Variants in DAAM2 observed in about 807,000 individuals in gnomAD.
DAAM2 encodes disheveled-associated activator of morphogenesis 2.
In DAAM2, 39 loss-of-function variants were observed where a neutral mutation model predicts 120.7. The observed-to-expected ratio is 0.32, with a 90% CI of 0.25 to 0.42. The LOEUF (loss-of-function observed/expected upper bound fraction) is 0.42. Among genes scored for constraint, DAAM2 ranks in the 10% least tolerant of loss-of-function variants. DAAM2 has a pLI of 1.00. For synonymous variants in DAAM2, 488 were observed against 524.9 expected (o/e 0.93, Z 0.96); for missense variants, 1,283 against 1,401.7 (o/e 0.92, Z 1.35).
chr6:39,882,497 T>C lies in DAAM2; in HGVS notation c.1846-1465T>C, dbSNP rs73430547. ...ATGGGAAGCTTTACCTCTGCAGGCT[T>C]CTCTCTTCCCTACCTCCACGTTGGT... On this transcript the variant is annotated intron_variant, in intron 14 of 24. Coordinates refer to ENST00000274867, the MANE Select transcript of DAAM2 (RefSeq NM_001201427.2). Among the ~76,000 whole-genome samples the C allele has an allele frequency of 0.013, 1,966 of 151,842 alleles. 126 individuals carry two copies. The East Asian group carries it at 0.2, about 16-fold the overall frequency.
intron 10 of DAAM2, among the ~76,000 whole-genome samples, chr6:39,874,117 T>A (rs1318986075): frequency 2.0e-5 from 3 of 152,178 alleles, no homozygotes; most frequent in Non-Finnish European, 4.4e-5. Flanking sequence ...TGAGGTCCTT[T>A]AGCACATCAT....
At chr6:39,879,557 T>TGGG (rs1765030945) in intron 14 of DAAM2, 80 bp downstream of exon 14, 1 of 1,572,618 alleles carries the variant, frequency 6.4e-7, no homozygotes, top group Non-Finnish European at 8.7e-7. Context: ...GCCCCTTGTT[T>TGGG]ACAGATCTCC....
intron 19 of DAAM2, among the ~76,000 whole-genome samples, chr6:39,893,260 T>A (rs143002970): frequency 2.0e-5 from 3 of 152,358 alleles, no homozygotes; most frequent in African/African-American, 7.2e-5. Context: ...CTGATGCCTA[T>A]AATCCCAGCA....
At chr6:39,810,652 C>A (rs1762135275) in intron 1 of DAAM2, among the ~76,000 whole-genome samples, 1 of 151,954 alleles carries the variant, frequency 6.6e-6, no homozygotes, top group Admixed American at 6.5e-5. Context: ...ATTTTTTTGC[C>A]CCTTATGGGG....
chr6:39,878,457 A>G lies in DAAM2; in HGVS notation c.1414A>G (p.Lys472Glu). 6.2e-7 allele frequency: 1 copy of G among 1,611,678 alleles called. No homozygotes were observed. Among genetic ancestry groups the G allele is most frequent in the South Asian group, 1.1e-5 (1 of 90,432 alleles). Residue 472 changes from lysine (K) to glutamate (E), a missense_variant, in exon 13 of 25, where the codon AAG becomes GAG. Around this residue, in one of 3 missense-constraint regions of DAAM2, gnomAD observed 338 missense variants for 443.9 expected, o/e 0.76. Transcript: ENST00000274867. The surrounding 1 kb of genome is among the most constrained non-coding windows in gnomAD (Gnocchi z 5.0). ...LERKERECET[K>E]TLEKEEMMRT... is the part of the protein sequence containing the mutation. ...GAGGAAGGAGCGGGAATGCGAGACA[A>G]AGACATTGGAGAAGGAAGAGATGAT...
chr6:39,864,623 C>A, intron 4 of DAAM2, 116 bp downstream of exon 4: 2 of 768,378 alleles, frequency 2.6e-6, no homozygotes, highest in South Asian at 3.6e-5. Flanking sequence ...CCTCAGCGCC[C>A]CACTGCCCAC....
At chr6:39,846,822 A>T (rs1763612687) in intron 1 of DAAM2, among the ~76,000 whole-genome samples, 1 of 151,824 alleles carries the variant, frequency 6.6e-6, no homozygotes, top group Non-Finnish European at 1.5e-5. Flanking sequence ...TACAGCTCTT[A>T]GCATGGTACT....
At chr6:39,818,123 G>A (rs1468528317) in intron 1 of DAAM2, among the ~76,000 whole-genome samples, 1 of 149,746 alleles carries the variant, frequency 6.7e-6, no homozygotes, top group Non-Finnish European at 1.5e-5. Context: ...AGGCTGCAGC[G>A]AGCCGAGGTG....
chr6:39,901,701 A>ATACAGGCAGG lies in DAAM2; in HGVS notation c.2983-111_2983-102dup. On this transcript the variant is annotated intron_variant, in intron 24 of 24. Transcript: ENST00000274867. The surrounding 1 kb of genome is among the most constrained non-coding windows in gnomAD (Gnocchi z 4.5). ...GGCAGGAAGAAAGTGGGGCCAACAGATACAGGCAGGCAGCATGACCATGGC... is the reference window on the plus strand; with the variant it reads ...GGCAGGAAGAAAGTGGGGCCAACAGATACAGGCAGGTACAGGCAGGCAGCATGACCATGGC... 9.1e-7 allele frequency: 1 copy of ATACAGGCAGG among 1,098,250 alleles called. No homozygotes were observed. The highest frequency in any genetic ancestry group is 1.3e-6 in the Non-Finnish European group (1 of 790,964). 68.0% of individuals were successfully genotyped at this position (1,098,250 alleles called of 1,614,324 possible).
rs1027456850 is a variant in DAAM2 at position 39,871,833 on chromosome 6, T to A, written c.1044+261T>A. Among the ~76,000 whole-genome samples, 6 of 152,184 alleles carry A rather than the reference T, an allele frequency of 3.9e-5. No individual in the cohort carries two copies. The East Asian group carries it at 1.2e-3, about 29-fold the overall frequency. The stretch of plus-strand genomic sequence containing the variant: ...CAACTATGGAGACTGAGAAGTCCCA[T>A]GACAGGTCGGAGTTATTGCATGGAG... On this transcript the variant is annotated intron_variant, in intron 9 of 24. Transcript: ENST00000274867.
At chr6:39,863,297 G>A (rs1764290754) in intron 3 of DAAM2, among the ~76,000 whole-genome samples, 1 of 152,174 alleles carries the variant, frequency 6.6e-6, no homozygotes, top group East Asian at 1.9e-4. Flanking sequence ...CCCCAAGGCA[G>A]AAGGCAGAAT....
At position 39,902,903 on chromosome 6, in the gene DAAM2, C is replaced by T. The variant is rs1766574345; in HGVS notation, c.*866C>T. On this transcript the variant is annotated 3_prime_UTR_variant, in exon 25 of 25. Transcript: ENST00000274867. ...CTCCCATGTCCCCATCTCCTGGACACCTGGCCATTGTTGTGAAGCCAGACA... is the reference window on the plus strand; with the variant it reads ...CTCCCATGTCCCCATCTCCTGGACATCTGGCCATTGTTGTGAAGCCAGACA... 1 of 152,488 alleles carries T rather than the reference C, an allele frequency of 6.6e-6. No individual in the cohort carries two copies. Among genetic ancestry groups the T allele is most frequent in the Non-Finnish European group, 1.5e-5 (1 of 68,240 alleles). 9.4% of individuals were successfully genotyped at this position (152,488 alleles called of 1,614,324 possible).
In DAAM2 at chr6:39,902,079, G is replaced by T; in HGVS notation, c.*42G>T. ...CACAGGAGGCCGGGAGACAGGGACT[G>T]GTGAGAATGGGGCTGAGTGGAGGAG... On this transcript the variant is annotated 3_prime_UTR_variant, in exon 25 of 25. Transcript: ENST00000274867. 1 of 1,520,694 alleles carries T rather than the reference G, an allele frequency of 6.6e-7. No individual in the cohort carries two copies. The highest frequency in any genetic ancestry group is 1.2e-5 in the South Asian group (1 of 82,754). The allele number at this position is 1,520,694 out of a possible 1,614,324, so 94.2% of individuals were successfully genotyped here.
rs1349625062 is a variant in DAAM2, at chr6:39,884,060, G to C, written c.1944G>C (p.Gln648His). The C allele has an allele frequency of 8.2e-6, 13 of 1,590,894 alleles. No homozygotes were observed. Among genetic ancestry groups the C allele is most frequent in the Non-Finnish European group, 1.1e-5 (13 of 1,161,332 alleles). Residue 648 changes from glutamine to histidine, a missense_variant, in exon 15 of 25, where the codon CAG (glutamine) becomes CAC (histidine). Physicochemically the swap from Gln to His is conservative, Grantham distance 24. This residue lies in a region of DAAM2 where 748 missense variants were observed against 768.6 expected (regional missense o/e 0.97). Coordinates refer to ENST00000274867, the MANE Select transcript of DAAM2 (RefSeq NM_001201427.2). ...EDFEKMFSAY[Q>H]RHQKELGSTE... ...TTGAAAAGATGTTTTCAGCCTACCA[G>C]AGGCACCAGGTAAGACCCTATACCC...
intron 11 of DAAM2, among the ~76,000 whole-genome samples, chr6:39,877,218 A>G (rs1303108858): frequency 1.3e-5 from 2 of 152,210 alleles, no homozygotes; most frequent in Non-Finnish European, 2.9e-5. Context: ...CATGAGGCTT[A>G]TATCTGACCC....
chr6:39,847,363 C>G (rs1349104915), intron 1 of DAAM2, among the ~76,000 whole-genome samples: 1 of 152,092 alleles, frequency 6.6e-6, no homozygotes, highest in Admixed American at 6.5e-5. Flanking sequence ...GCTGGAGGCT[C>G]CTTTCCCTGC....
At chr6:39,900,318 G>A in intron 23 of DAAM2, 110 bp downstream of exon 23, 1 of 1,306,786 alleles carries the variant, frequency 7.7e-7, no homozygotes, top group African/African-American at 1.5e-5. Flanking sequence ...GAGTTACAGA[G>A]CTTTGAGAGA....
chr6:39,888,174 C>T (rs1170564492), intron 16 of DAAM2: 1 of 156,112 alleles, frequency 6.4e-6, no homozygotes, highest in Non-Finnish European at 1.4e-5. Flanking sequence ...TGTGGCTTCT[C>T]CCTCTCCCAG....
At chr6:39,876,579 T>C (rs1378835020) in intron 11 of DAAM2, among the ~76,000 whole-genome samples, 2 of 152,180 alleles carry the variant, frequency 1.3e-5, no homozygotes, top group Non-Finnish European at 2.9e-5. Context: ...CTAAGATCAC[T>C]TTCAAGTGCA....
Sources: allele counts gnomAD v4.1 joint callset (sites outside exome capture counted in the v4.1 genomes callset), GRCh38; gene constraint gnomAD v4.1.1; regional missense constraint gnomAD v4.1.1; non-coding constraint Gnocchi (gnomAD v3.1); transcripts MANE v1.5; gene names NCBI Gene and HGNC (gene_info 2026-07-23, HGNC 2026-07-21).